Variants in LONP2 observed in about 807,000 individuals in gnomAD.
The protein encoded by LONP2 is lon protease homolog 2, peroxisomal.
A neutral mutation model predicts 85.6 loss-of-function variants in LONP2; 60 were observed. That is an observed-to-expected ratio of 0.70 (90% CI 0.57 to 0.87). The LOEUF is 0.87. Ranked by LOEUF, LONP2 falls within the 40% of genes least tolerant of loss-of-function variation. The pLI, the probability that LONP2 is intolerant of heterozygous loss-of-function variation, is 0.00. For missense variants in LONP2, 860 were observed against 1,063.5 expected, an observed-to-expected ratio of 0.81 and a Z score of 2.66; for synonymous variants, 395 against 389.7, an observed-to-expected ratio of 1.01 and a Z score of -0.16.
chr16:48,351,955 T>C lies in LONP2; in HGVS notation c.*153T>C. On this transcript the variant is annotated 3_prime_UTR_variant, in exon 15 of 15. Coordinates refer to ENST00000285737, the MANE Select transcript of LONP2 (RefSeq NM_031490.5). ...TAAACCTCAAGTAGTGGCTAGTGTT[T>C]AGTATAGAAATATAAGATGTTGATT... 4.8e-6 allele frequency: 3 copies of C among 624,946 alleles called. No individual in the cohort carries two copies. The highest frequency in any genetic ancestry group is 8.3e-6 in the Non-Finnish European group (3 of 360,026). 38.7% of individuals were successfully genotyped at this position (624,946 alleles called of 1,614,324 possible).
At chr16:48,290,942 G>A (rs1972546738) in intron 8 of LONP2, among the ~76,000 whole-genome samples, 1 of 152,176 alleles carries the variant, frequency 6.6e-6, no homozygotes, top group Non-Finnish European at 1.5e-5. Context: ...TGGAGGGACT[G>A]CCAGCCACCA....
At position 48,354,828 on chromosome 16, in the gene LONP2, G is replaced by C. The variant is rs544844375; in HGVS notation, c.*3026G>C. ...GTAGGGATGAACCTCTTCCTCCTTT[G>C]CCACTTTAGCTTTAGCTCAAAGGAA... On this transcript the variant is annotated 3_prime_UTR_variant, in exon 15 of 15. Coordinates refer to ENST00000285737, the MANE Select transcript of LONP2 (RefSeq NM_031490.5). The C allele has an allele frequency of 3.3e-5, 5 of 152,262 alleles. No homozygotes were observed. In the East Asian group the frequency reaches 9.7e-4, roughly 29 times the overall value. The allele number at this position is 152,262 out of a possible 1,614,324, so 9.4% of individuals were successfully genotyped here.
At chr16:48,293,769 T>C (rs1428179696) in intron 8 of LONP2, among the ~76,000 whole-genome samples, 3 of 152,280 alleles carry the variant, frequency 2.0e-5, no homozygotes, top group East Asian at 1.9e-4. Context: ...CTTGCTCAAA[T>C]TGGATTTTAC....
At position 48,356,785 on chromosome 16, in the gene LONP2, T is replaced by A. The variant is rs1960380908; in HGVS notation, c.*4983T>A. On this transcript the variant is annotated 3_prime_UTR_variant, in exon 15 of 15. Transcript: ENST00000285737. ...AACAATTTTAGGAAAAGCTTTGTCA[T>A]GAAAATTCATTTCTTTGGAAATACT... 4 of 266,320 alleles carry A rather than the reference T, an allele frequency of 1.5e-5. No individual in the cohort carries two copies. Among genetic ancestry groups the A allele is most frequent in the East Asian group, 2.0e-4 (2 of 10,186 alleles). The allele number at this position is 266,320 out of a possible 1,614,324, so 16.5% of individuals were successfully genotyped here.
chr16:48,265,294 A>G (rs1425103720), intron 6 of LONP2, among the ~76,000 whole-genome samples: 1 of 152,150 alleles, frequency 6.6e-6, no homozygotes, highest in East Asian at 1.9e-4. Context: ...CCATGCCCAG[A>G]CCAATGTCAA....
chr16:48,253,290 T>C (rs1971691845), intron 2 of LONP2, among the ~76,000 whole-genome samples: 1 of 151,732 alleles, frequency 6.6e-6, no homozygotes, highest in African/African-American at 2.4e-5. Flanking sequence ...GGCAGCATGG[T>C]GAGATCCCGT....
chr16:48,264,402 C>A (rs933861933), intron 6 of LONP2, among the ~76,000 whole-genome samples: 8 of 152,204 alleles, frequency 5.3e-5, no homozygotes, highest in Admixed American at 5.2e-4. Flanking sequence ...AGCGATATTT[C>A]TTCCATTTGC....
chr16:48,257,625 A>G (rs188026732), intron 3 of LONP2, among the ~76,000 whole-genome samples: 36 of 152,362 alleles, frequency 2.4e-4, no homozygotes, highest in Middle Eastern at 3.4e-3. Context: ...TTTTTAAAGC[A>G]GTATTTTTAA....
At chr16:48,290,862 G>A (rs1269976917) in intron 8 of LONP2, among the ~76,000 whole-genome samples, 2 of 152,132 alleles carry the variant, frequency 1.3e-5, no homozygotes, top group Non-Finnish European at 2.9e-5. Flanking sequence ...TTGGGCTGGG[G>A]AACTGACAAG....
chr16:48,246,408 A>T (rs1596890526), intron 1 of LONP2, among the ~76,000 whole-genome samples: 1 of 152,298 alleles, frequency 6.6e-6, no homozygotes, highest in South Asian at 2.1e-4. Context: ...TTCCCTGTCT[A>T]GGCAAGAGTG....
chr16:48,299,858 G>A (rs570265857), intron 10 of LONP2, 70 bp downstream of exon 10: 523 of 1,447,890 alleles, frequency 3.6e-4, no homozygotes, highest in Middle Eastern at 2.0e-3. Context: ...TACCAAACAG[G>A]ACATAGAGTA....
intron 7 of LONP2, 69 bp downstream of exon 7, chr16:48,270,343 CT>C: frequency 6.5e-7 from 1 of 1,526,790 alleles, no homozygotes; most frequent in Non-Finnish European, 9.0e-7. Flanking sequence ...TCCCTAAAAG[CT>C]TAGGCATAGC....
chr16:48,306,619 A>G (rs1328081741), intron 11 of LONP2, among the ~76,000 whole-genome samples: 3 of 152,176 alleles, frequency 2.0e-5, no homozygotes, highest in East Asian at 1.9e-4. Context: ...ATGGACTCCA[A>G]GTTGGCTCTA....
intron 12 of LONP2, 168 bp downstream of exon 12, chr16:48,334,526 C>CA (rs1227475159): frequency 5.0e-6 from 4 of 793,734 alleles, no homozygotes; most frequent in Non-Finnish European, 8.6e-6. Flanking sequence ...CTTCTTGCAG[C>CA]AGTTGACTGC....
chr16:48,316,007 A>G (rs1373740088), intron 11 of LONP2, among the ~76,000 whole-genome samples: 3 of 52,408 alleles, frequency 5.7e-5, no homozygotes, highest in African/African-American at 2.3e-4. Context: ...GCCACTGGAT[A>G]TTTTTTTTTT....
At chr16:48,246,441 T>G (rs1418752211) in intron 1 of LONP2, among the ~76,000 whole-genome samples, 1 of 152,246 alleles carries the variant, frequency 6.6e-6, no homozygotes, top group Admixed American at 6.5e-5. Flanking sequence ...CTTCATTTTC[T>G]TTCTACTGTG....
At chr16:48,330,431 A>G (rs1043306384) in intron 11 of LONP2, among the ~76,000 whole-genome samples, 6 of 152,222 alleles carry the variant, frequency 3.9e-5, no homozygotes, top group African/African-American at 1.4e-4. Flanking sequence ...AATCCAAGGG[A>G]TGATGCCACT....
chr16:48,351,569 C>G lies in LONP2; in HGVS notation c.2338-12C>G, dbSNP rs768987720. The G allele has an allele frequency of 6.2e-7, 1 of 1,604,718 alleles. No homozygotes were observed. Among genetic ancestry groups the G allele is most frequent in the African/African-American group, 1.3e-5 (1 of 74,180 alleles). On this transcript the variant is annotated splice_polypyrimidine_tract_variant and intron_variant, in intron 14 of 14. Transcript: ENST00000285737. ...GATCATTAACCCTAAAAACTTTTTT[C>G]TCTCCTTACAGGTGGGTGGAATTAA...
chr16:48,327,678 G>A (rs774442501), intron 11 of LONP2, among the ~76,000 whole-genome samples: 6 of 152,064 alleles, frequency 3.9e-5, no homozygotes, highest in Non-Finnish European at 7.4e-5. Flanking sequence ...GGCTGGTCTC[G>A]AACTCCTCAC....
Sources: allele counts gnomAD v4.1 joint callset (sites outside exome capture counted in the v4.1 genomes callset), GRCh38; gene constraint gnomAD v4.1.1; transcripts MANE v1.5; gene names NCBI Gene and HGNC (gene_info 2026-07-23, HGNC 2026-07-21).